NRXN3: variants seen among roughly 807,000 people sequenced by gnomAD.
NRXN3 encodes neurexin 3.
A neutral mutation model predicts 137.6 loss-of-function variants in NRXN3; 32 were observed. The ratio of observed to expected loss-of-function variants is 0.23; its 90% CI spans 0.18 to 0.31. The LOEUF (loss-of-function observed/expected upper bound fraction) is 0.31. Among genes scored for constraint, NRXN3 ranks in the 10% least tolerant of loss-of-function variants. The pLI, the probability that NRXN3 is intolerant of heterozygous loss-of-function variation, is 1.00. For missense variants in NRXN3, 1,574 were observed against 2,062.5 expected (o/e 0.76, Z 4.59); for synonymous variants, 798 against 784.5 (o/e 1.02, Z -0.29).
intron 4 of NRXN3, among the ~76,000 whole-genome samples, chr14:78,495,134 C>CGTACGT (rs2095752970): frequency 4.2e-5 from 1 of 23,900 alleles, no homozygotes; most frequent in African/African-American, 1.1e-4. Context: ...TGTGTGTGTG[C>CGTACGT]GTGCGTGTGT....
At chr14:79,376,088 A>G (rs1482920318) in intron 15 of NRXN3, among the ~76,000 whole-genome samples, 4 of 147,492 alleles carry the variant, frequency 2.7e-5, no homozygotes, top group Admixed American at 1.4e-4. Flanking sequence ...TGTTTTAGTC[A>G]TCATCATCAT....
At chr14:78,889,815 G>A (rs745708076) in intron 10 of NRXN3, among the ~76,000 whole-genome samples, 24 of 152,100 alleles carry the variant, frequency 1.6e-4, no homozygotes, top group Middle Eastern at 3.4e-3. Flanking sequence ...AACCTGTGAC[G>A]TGACCTTACT....
chr14:79,365,441 C>T (rs941017023), intron 15 of NRXN3, among the ~76,000 whole-genome samples: 3 of 151,962 alleles, frequency 2.0e-5, no homozygotes, highest in African/African-American at 4.8e-5. Flanking sequence ...TTTTATTGGC[C>T]GGGCGCGGTG....
chr14:78,796,168 A>G (rs2098821096), intron 8 of NRXN3, among the ~76,000 whole-genome samples: 2 of 152,310 alleles, frequency 1.3e-5, no homozygotes, highest in Admixed American at 6.5e-5. Context: ...CTCTATACCA[A>G]TTGTGGCAGA....
intron 8 of NRXN3, among the ~76,000 whole-genome samples, chr14:78,731,313 C>T (rs1043655600): frequency 3.3e-5 from 5 of 151,966 alleles, no homozygotes; most frequent in Non-Finnish European, 5.9e-5. Context: ...TGGGTTATTG[C>T]TAACATTATA....
chr14:78,472,891 T>C (rs1443390143), intron 4 of NRXN3, among the ~76,000 whole-genome samples: 1 of 151,538 alleles, frequency 6.6e-6, no homozygotes, highest in Non-Finnish European at 1.5e-5. Context: ...GTGAAATGGA[T>C]TTAGCCAGCA....
At chr14:79,839,236 AT>A (rs1341661393) in intron 20 of NRXN3, among the ~76,000 whole-genome samples, 1 of 151,982 alleles carries the variant, frequency 6.6e-6, no homozygotes, top group East Asian at 1.9e-4. Context: ...AACCTGACCC[AT>A]TATGGTTTGG....
intron 4 of NRXN3, among the ~76,000 whole-genome samples, chr14:78,420,536 G>T (rs1380457207): frequency 1.3e-5 from 2 of 152,158 alleles, no homozygotes; most frequent in Non-Finnish European, 2.9e-5. Flanking sequence ...TCACCTTTCA[G>T]TGCTATCATT....
At position 78,629,133 on chromosome 14, in the gene NRXN3, C is replaced by A. The variant is rs534872610; in HGVS notation, c.758-15987C>A. On this transcript the variant is annotated intron_variant, in intron 4 of 20. Coordinates refer to ENST00000335750, the MANE Select transcript of NRXN3 (RefSeq NM_001330195.2). ...GTAGCTGGCATCATCACTATCATCA[C>A]CCCCATTTCAAGGGCTCTGGGAGTT... Among the ~76,000 whole-genome samples, 38 of 152,324 alleles carry A rather than the reference C, an allele frequency of 2.5e-4. No homozygotes were observed. In the South Asian group the frequency reaches 7.7e-3, roughly 31 times the overall value.
intron 19 of NRXN3, among the ~76,000 whole-genome samples, chr14:79,733,209 A>C (rs1203923014): frequency 2.0e-5 from 3 of 152,290 alleles, no homozygotes; most frequent in Non-Finnish European, 2.9e-5. Context: ...TTTTTAAAAA[A>C]ATGTGTTTGT....
In NRXN3 at chr14:78,974,215, G is replaced by A. The variant is rs559148050; in HGVS notation, c.3142+5869G>A. Among the ~76,000 whole-genome samples the A allele has an allele frequency of 3.9e-5, 6 of 152,222 alleles. No individual in the cohort carries two copies. In the East Asian group the frequency reaches 1.2e-3, roughly 29 times the overall value. Reference sequence around the variant, plus strand: ...AGAAAGATCCACTATGTATTTCTCTGTAAATGGAAGAGAGAGAGAAGGGGG... The same window carrying A: ...AGAAAGATCCACTATGTATTTCTCTATAAATGGAAGAGAGAGAGAAGGGGG... On this transcript the variant is annotated intron_variant, in intron 14 of 20. Transcript: ENST00000335750.
intron 15 of NRXN3, among the ~76,000 whole-genome samples, chr14:79,322,502 G>A (rs1262532512): frequency 6.6e-6 from 1 of 152,138 alleles, no homozygotes; most frequent in Non-Finnish European, 1.5e-5. Context: ...AATTCTTTGA[G>A]AGAACCTATG....
chr14:79,600,229 C>T (rs975477773), intron 16 of NRXN3, among the ~76,000 whole-genome samples: 4 of 152,082 alleles, frequency 2.6e-5, no homozygotes, highest in South Asian at 2.1e-4. Context: ...GGAGTATGCA[C>T]GCTTTTATGT....
At chr14:79,148,546 C>G (rs1253219405) in intron 15 of NRXN3, among the ~76,000 whole-genome samples, 2 of 152,110 alleles carry the variant, frequency 1.3e-5, no homozygotes, top group Non-Finnish European at 2.9e-5. Context: ...AGTCCCTTGT[C>G]CCTCATCTTC....
chr14:78,340,777 G>A (rs1470291079), intron 4 of NRXN3, among the ~76,000 whole-genome samples: 1 of 152,188 alleles, frequency 6.6e-6, no homozygotes, highest in Non-Finnish European at 1.5e-5. Context: ...GTCAAAGCAA[G>A]TCTAAAGGCC....
At chr14:79,270,529 G>T (rs564787822) in intron 15 of NRXN3, among the ~76,000 whole-genome samples, 1 of 152,226 alleles carries the variant, frequency 6.6e-6, no homozygotes, top group East Asian at 1.9e-4. Flanking sequence ...AAGCTCTCTG[G>T]CCCTGGAATT....
intron 1 of NRXN3, among the ~76,000 whole-genome samples, chr14:78,185,657 G>C (rs1303331410): frequency 1.3e-5 from 2 of 152,220 alleles, no homozygotes; most frequent in Middle Eastern, 6.3e-3. Flanking sequence ...AGGGGTGCCT[G>C]ATATAATCTC....
chr14:79,088,521 TTATTA>T (rs1173492253), intron 15 of NRXN3, among the ~76,000 whole-genome samples: 1 of 140,020 alleles, frequency 7.1e-6, no homozygotes, highest in African/African-American at 3.3e-5. Flanking sequence ...TTTGAATATT[TTATTA>T]TAATTATCCT....
chr14:79,237,990 T>A (rs772145001), intron 15 of NRXN3, among the ~76,000 whole-genome samples: 1 of 152,142 alleles, frequency 6.6e-6, no homozygotes, highest in African/African-American at 2.4e-5. Context: ...ATATGGTTTT[T>A]AATTATGAGG....
Sources: allele counts gnomAD v4.1 joint callset (sites outside exome capture counted in the v4.1 genomes callset), GRCh38; gene constraint gnomAD v4.1.1; transcripts MANE v1.5; gene names NCBI Gene and HGNC (gene_info 2026-07-23, HGNC 2026-07-21).